PRKCE: variants seen among roughly 807,000 people sequenced by gnomAD.
PRKCE encodes protein kinase C epsilon type.
A neutral mutation model predicts 85.4 loss-of-function variants in PRKCE; 16 were observed. That is an observed-to-expected ratio of 0.19 (90% CI 0.13 to 0.28). The LOEUF is 0.28. Ranked by LOEUF, PRKCE falls within the 10% of genes least tolerant of loss-of-function variation. The pLI is 1.00. For missense variants in PRKCE, 573 were observed against 975.2 expected (o/e 0.59, Z 5.49); for synonymous variants, 388 against 371.5 (o/e 1.04, Z -0.51).
intron 2 of PRKCE, among the ~76,000 whole-genome samples, chr2:45,868,334 A>C: frequency 6.7e-6 from 1 of 149,522 alleles, no homozygotes; most frequent in Non-Finnish European, 1.5e-5. Flanking sequence ...AAAAAAAAAA[A>C]AAAAAAAACT....
intron 1 of PRKCE, among the ~76,000 whole-genome samples, chr2:45,662,417 C>T (rs920498780): frequency 1.3e-5 from 2 of 152,162 alleles, no homozygotes; most frequent in African/African-American, 4.8e-5. Flanking sequence ...GATCTCACTT[C>T]TTCAGGACTG....
intron 14 of PRKCE, among the ~76,000 whole-genome samples, chr2:46,173,132 G>A (rs1679086898): frequency 6.6e-6 from 1 of 152,200 alleles, no homozygotes; most frequent in African/African-American, 2.4e-5. Context: ...CTGCTTTTGT[G>A]CAGCCCTAGA....
At position 46,184,968 on chromosome 2, in the gene PRKCE, C is replaced by G; in HGVS notation, c.*87C>G. 1 of 1,518,934 alleles carries G rather than the reference C, an allele frequency of 6.6e-7. No individual in the cohort carries two copies. The highest frequency in any genetic ancestry group is 1.8e-5 in the Admixed American group (1 of 55,528). The allele number at this position is 1,518,934 out of a possible 1,614,324, so 94.1% of individuals were successfully genotyped here. A position where few individuals can be genotyped will look rare whatever the true frequency, so the allele number is the denominator to read the frequency against. On this transcript the variant is annotated 3_prime_UTR_variant, in exon 15 of 15. Coordinates refer to ENST00000306156, the MANE Select transcript of PRKCE (RefSeq NM_005400.3). This position sits in a 1 kb window ranked among gnomAD's most constrained non-coding sequence, Gnocchi z 5.0. ...TTGGAGACACTCAGCAGGTCTTGAA[C>G]TACTTCTCCTCCTCGGAGCCCCAGT...
intron 11 of PRKCE, among the ~76,000 whole-genome samples, chr2:46,098,468 T>G (rs1050567200): frequency 1.3e-5 from 2 of 152,198 alleles, no homozygotes; most frequent in Non-Finnish European, 2.9e-5. Flanking sequence ...AGTGGCTGAG[T>G]GCACAGTTCA....
intron 1 of PRKCE, among the ~76,000 whole-genome samples, chr2:45,691,778 C>T (rs1266230557): frequency 6.6e-6 from 1 of 152,158 alleles, no homozygotes; most frequent in African/African-American, 2.4e-5. Flanking sequence ...TACAAGGTCA[C>T]AGCTTTGCAT....
chr2:46,092,395 G>C (rs1670254979), intron 11 of PRKCE, among the ~76,000 whole-genome samples: 1 of 152,126 alleles, frequency 6.6e-6, no homozygotes, highest in Non-Finnish European at 1.5e-5. Context: ...AGTCAGTCTT[G>C]CCTTAGTGCC....
intron 1 of PRKCE, among the ~76,000 whole-genome samples, chr2:45,755,916 T>A (rs1022769906): frequency 6.6e-6 from 1 of 152,024 alleles, no homozygotes; most frequent in Non-Finnish European, 1.5e-5. Flanking sequence ...ACTCGGAGAA[T>A]TGGAGAAGGT....
chr2:45,869,399 A>G (rs1693892589), intron 2 of PRKCE, among the ~76,000 whole-genome samples: 1 of 152,244 alleles, frequency 6.6e-6, no homozygotes, highest in East Asian at 1.9e-4. Flanking sequence ...ACTGCTAGTA[A>G]TCGCTCATAA....
In PRKCE at chr2:46,184,444, C is replaced by A. The variant is rs890456372; in HGVS notation, c.2068-291C>A. On this transcript the variant is annotated intron_variant, in intron 14 of 14. Coordinates refer to ENST00000306156, the MANE Select transcript of PRKCE (RefSeq NM_005400.3). This position sits in a 1 kb window ranked among gnomAD's most constrained non-coding sequence, Gnocchi z 5.0. ...CATCATACACACACAAACACACACA[C>A]ACACACACACACACACACGTCTGTG... Among the ~76,000 whole-genome samples, 2 of 151,778 alleles carry A rather than the reference C, an allele frequency of 1.3e-5. No individual in the cohort carries two copies. Among genetic ancestry groups the A allele is most frequent in the Admixed American group, 1.3e-4 (2 of 15,238 alleles).
chr2:45,710,492 C>T (rs546228485), intron 1 of PRKCE, among the ~76,000 whole-genome samples: 2 of 152,180 alleles, frequency 1.3e-5, no homozygotes, highest in Non-Finnish European at 1.5e-5. Flanking sequence ...TCAGTGGAAC[C>T]CTGGAGTGTT....
chr2:46,172,471 C>T (rs1270535989), intron 14 of PRKCE, among the ~76,000 whole-genome samples: 1 of 150,378 alleles, frequency 6.6e-6, no homozygotes, highest in Non-Finnish European at 1.5e-5. Flanking sequence ...AGGTGTGGGC[C>T]TGGGCAGGCC....
At chr2:45,819,364 C>A (rs1312169756) in intron 1 of PRKCE, among the ~76,000 whole-genome samples, 1 of 152,174 alleles carries the variant, frequency 6.6e-6, no homozygotes, top group Non-Finnish European at 1.5e-5. Flanking sequence ...GTCTTGAGAA[C>A]CCATCTGGCT....
chr2:46,183,930 G>C (rs1021449350), intron 14 of PRKCE, among the ~76,000 whole-genome samples: 2 of 152,144 alleles, frequency 1.3e-5, no homozygotes, highest in Non-Finnish European at 2.9e-5. Flanking sequence ...TCATTTGTGG[G>C]TTGATTGATT....
chr2:45,762,929 CTTTCT>C (rs369929767), intron 1 of PRKCE, among the ~76,000 whole-genome samples: 39 of 147,328 alleles, frequency 2.6e-4, no homozygotes, highest in South Asian at 6.5e-4. Flanking sequence ...TTGAGGTGTT[CTTTCT>C]TTTCTTTTCT....
intron 2 of PRKCE, among the ~76,000 whole-genome samples, chr2:45,971,797 G>A (rs545372162): frequency 7.2e-5 from 11 of 152,246 alleles, no homozygotes; most frequent in South Asian, 4.1e-4. Flanking sequence ...ATACCTTTCC[G>A]CCTTGTGTTT....
chr2:45,739,516 T>C (rs1222063676), intron 1 of PRKCE, among the ~76,000 whole-genome samples: 1 of 152,212 alleles, frequency 6.6e-6, no homozygotes, highest in Non-Finnish European at 1.5e-5. Context: ...TCCAGTCTCT[T>C]AAAATTCTGT....
chr2:45,687,149 A>G (rs965608942), intron 1 of PRKCE, among the ~76,000 whole-genome samples: 15 of 152,168 alleles, frequency 9.9e-5, no homozygotes, highest in African/African-American at 3.6e-4. Flanking sequence ...GCCCGAGTCC[A>G]TGAAAGCTTC....
At chr2:46,165,578 C>A (rs1221964232) in intron 14 of PRKCE, among the ~76,000 whole-genome samples, 1 of 152,224 alleles carries the variant, frequency 6.6e-6, no homozygotes, top group East Asian at 1.9e-4. Flanking sequence ...ATGGCCTTGT[C>A]TAATTGCCAA....
chr2:45,675,394 G>C (rs1422007105), intron 1 of PRKCE: 1 of 152,176 alleles, frequency 6.6e-6, no homozygotes, highest in African/African-American at 2.4e-5. Flanking sequence ...AGAGCAGTGA[G>C]GGCACTTGTG....
Sources: gnomAD v4.1 joint callset for allele counts (sites outside exome capture counted in the v4.1 genomes callset) on GRCh38, gnomAD v4.1.1 for gene constraint, Gnocchi (gnomAD v3.1) non-coding constraint, MANE v1.5 for transcripts, NCBI Gene and HGNC (gene_info 2026-07-23, HGNC 2026-07-21) for gene names.